The following MSLN variants were observed in gnomAD, a reference collection of about 807,000 sequenced individuals.
MSLN encodes the protein CAK1 antigen.
A neutral mutation model predicts 72.6 loss-of-function variants in MSLN; 82 were observed. The observed-to-expected ratio is 1.13, with a 90% confidence interval of 0.94 to 1.36. MSLN has a LOEUF of 1.36. Among genes scored for constraint, MSLN ranks in the 40% most tolerant of loss-of-function variants. The probability of loss-of-function intolerance (pLI) is 0.00; values close to 1 mark genes in which losing one functional copy is unlikely to be tolerated. For missense variants in MSLN, 1,005 were observed against 847.9 expected (o/e 1.19, Z -2.30); for synonymous variants, 456 against 387.3 (o/e 1.18, Z -2.08).
intron 15 of MSLN, 105 bp from the exon 16 acceptor site, chr16:767,271 G>T: frequency 2.5e-6 from 3 of 1,207,550 alleles, no homozygotes; most frequent in South Asian, 1.2e-5. Context: ...AATCCCTAAG[G>T]AAAAAGGGAA....
Position 764,668 on chromosome 16 carries a change from C to G in MSLN, c.322C>G (p.Leu108Val). 6.2e-7 allele frequency: 1 copy of G among 1,612,504 alleles called. No homozygotes were observed. Among genetic ancestry groups the G allele is most frequent in the Non-Finnish European group, 8.5e-7 (1 of 1,179,802 alleles). Reference protein sequence around the residue: ...TEQLRCLAHRLSEPPEDLDAL... With the variant: ...TEQLRCLAHRVSEPPEDLDAL... ...GCAGCTGCGCTGTCTGGCTCACCGGCTCTCTGAGCCCCCCGAGGACCTGGA... is the reference window on the plus strand; with the variant it reads ...GCAGCTGCGCTGTCTGGCTCACCGGGTCTCTGAGCCCCCCGAGGACCTGGA... The change falls in exon 7 of 18, where the codon CTC becomes GTC. Residue 108 changes from leucine (L) to valine (V), a missense_variant. Physicochemically the swap from Leu to Val is conservative, Grantham distance 32 (BLOSUM62 1). Transcript: ENST00000545450.
intron 2 of MSLN, among the ~76,000 whole-genome samples, 152 bp downstream of exon 2, chr16:761,326 G>A (rs955461583): frequency 2.6e-5 from 4 of 152,224 alleles, no homozygotes; most frequent in Admixed American, 6.5e-5. Flanking sequence ...CAGGGCACAC[G>A]CAGACCCATT....
At chr16:765,338 C>G (rs1437615133) in intron 9 of MSLN, 35 bp downstream of exon 9, 1 of 1,516,824 alleles carries the variant, frequency 6.6e-7, no homozygotes, top group African/African-American at 1.4e-5. Flanking sequence ...GAAGGCTCAC[C>G]TGGCGGCGTG....
intron 6 of MSLN, 111 bp from the exon 7 acceptor site, chr16:764,536 C>G: frequency 1.1e-6 from 1 of 950,094 alleles, no homozygotes; most frequent in Non-Finnish European, 1.7e-6. Flanking sequence ...TCCACAGATT[C>G]TCGTGGCCAG....
chr16:763,139 G>T (rs2041557374), intron 3 of MSLN, 94 bp from the exon 4 acceptor site: 7 of 799,370 alleles, frequency 8.8e-6, no homozygotes, highest in Non-Finnish European at 1.4e-5. Flanking sequence ...GGCTGGCTGT[G>T]GGGGCGGCCA....
In MSLN at chr16:766,297, G is replaced by A. The variant is rs769003291; in HGVS notation, c.1075-38G>A. 6.2e-6 allele frequency: 10 copies of A among 1,610,816 alleles called. No homozygotes were observed. In the African/African-American group the frequency reaches 1.3e-4, roughly 22 times the overall value. ...TGTCCAAGCCATCCCCAGCCCCTCT[G>A]GGAGTGACATGGGCCCTCCTGGTCT... On this transcript the variant is annotated intron_variant, in intron 12 of 17. Coordinates refer to ENST00000545450, the MANE Select transcript of MSLN (RefSeq NM_005823.6).
chr16:766,089 G>A lies in MSLN; in HGVS notation c.926G>A (p.Arg309His), dbSNP rs17850474. 8.6e-4 allele frequency: 1,381 copies of A among 1,612,132 alleles called. 11 individuals carry two copies. In the African/African-American group the frequency reaches 0.015, roughly 18 times the overall value. Residue 309 changes from arginine (R) to histidine (H), a missense_variant, in exon 12 of 18, where the codon CGC becomes CAC. Arg to His is a conservative substitution (Grantham distance 29). Coordinates refer to ENST00000545450, the MANE Select transcript of MSLN (RefSeq NM_005823.6). ...GCCTGTCCTTCAGGCAAGAAGGCCC[G>A]CGAGATAGACGAGAGCCTCATCTTC... ...KTACPSGKKA[R>H]EIDESLIFYK...
intron 3 of MSLN, among the ~76,000 whole-genome samples, 162 bp from the exon 4 acceptor site, chr16:763,071 T>G (rs930342386): frequency 1.5e-4 from 23 of 152,122 alleles, no homozygotes; most frequent in Admixed American, 1.3e-3. Context: ...CCTGGGGGAC[T>G]GTGATGTCAC....
intron 9 of MSLN, 33 bp from the exon 10 acceptor site, chr16:765,494 G>C: frequency 6.3e-7 from 1 of 1,575,092 alleles, no homozygotes; most frequent in African/African-American, 1.3e-5. Flanking sequence ...CTGCACGTGG[G>C]GGGTCCCTGA....
intron 17 of MSLN, 27 bp downstream of exon 17, chr16:768,592 G>A (rs372479257): frequency 1.3e-4 from 210 of 1,609,994 alleles, no homozygotes; most frequent in Non-Finnish European, 1.7e-4. Context: ...GGCCAGGGCT[G>A]GGGGCAGAGC....
At position 763,247 on chromosome 16, in the gene MSLN, T is replaced by G; in HGVS notation, c.100T>G (p.Ser34Ala). Reference protein sequence around the residue: ...LLFSLGWVQPSRTLAGETGQE... With the variant: ...LLFSLGWVQPARTLAGETGQE... Reference sequence around the variant, plus strand: ...TGCCCCTTTAGGATGGGTGCAGCCCTCGAGGACCCTGGCTGGAGAGACAGG... The same window carrying G: ...TGCCCCTTTAGGATGGGTGCAGCCCGCGAGGACCCTGGCTGGAGAGACAGG... The change falls in exon 4 of 18, where the codon TCG (serine) becomes GCG (alanine). Residue 34 changes from serine to alanine, a missense_variant. Transcript: ENST00000545450. 2 of 1,542,064 alleles carry G rather than the reference T, an allele frequency of 1.3e-6. No homozygotes were observed. The highest frequency in any genetic ancestry group is 4.9e-5 in the East Asian group (2 of 40,678).
At chr16:762,457 C>G in intron 2 of MSLN, 1 of 552,998 alleles carries the variant, frequency 1.8e-6, no homozygotes, top group Non-Finnish European at 3.2e-6. Flanking sequence ...GGACCGGGAT[C>G]TCAGACCCAG....
intron 3 of MSLN, 56 bp from the exon 4 acceptor site, chr16:763,176 CA>C: frequency 8.3e-7 from 1 of 1,203,078 alleles, no homozygotes; most frequent in South Asian, 1.3e-5. Flanking sequence ...TCCCCTGGGT[CA>C]GGGCACAGCC....
Position 766,767 on chromosome 16 carries a change from C to T in MSLN, c.1330C>T (p.Leu444Phe), listed in dbSNP as rs1054548415. ...CTTCTACCCTGGGTACCTGTGCTCC[C>T]TCAGCCCCGAGGAGCTGAGCTCCGT... ...TAFYPGYLCS[L>F]SPEELSSVPP... The change falls in exon 14 of 18, where the codon CTC becomes TTC. Residue 444 changes from leucine (L) to phenylalanine (F), a missense_variant. By Grantham distance (22) the Leu-to-Phe change is conservative. Transcript: ENST00000545450. The T allele has an allele frequency of 6.2e-7, 1 of 1,612,666 alleles. No individual in the cohort carries two copies.
intron 1 of MSLN, 65 bp from the exon 2 acceptor site, chr16:761,008 G>C (rs972885351): frequency 6.6e-5 from 10 of 152,396 alleles, no homozygotes; most frequent in African/African-American, 2.2e-4. Flanking sequence ...CCCTTTAGAG[G>C]CCCACGTGTG....
At position 763,638 on chromosome 16, in the gene MSLN, C is replaced by G; in HGVS notation, c.130-4C>G. The stretch of plus-strand genomic sequence containing the variant: ...GCCATGTTCAGCAGGCCCTGTGTCC[C>G]CAGGAGGCTGCGCCCCTGGACGGAG... On this transcript the variant is annotated splice_polypyrimidine_tract_variant and splice_region_variant and intron_variant, in intron 4 of 17. Coordinates refer to ENST00000545450, the MANE Select transcript of MSLN (RefSeq NM_005823.6). 1.2e-6 allele frequency: 2 copies of G among 1,600,094 alleles called. No homozygotes were observed. Among genetic ancestry groups the G allele is most frequent in the South Asian group, 1.1e-5 (1 of 90,352 alleles).
Position 765,522 on chromosome 16 carries a change from C to T in MSLN, c.705-5C>T, listed in dbSNP as rs1412375129. 1.2e-6 allele frequency: 2 copies of T among 1,602,334 alleles called. No individual in the cohort carries two copies. The highest frequency in any genetic ancestry group is 1.7e-6 in the Non-Finnish European group (2 of 1,177,414). The stretch of plus-strand genomic sequence containing the variant: ...GTCCCTGAGCTGTGTCCCGTGTCTG[C>T]ACAGCCCCCCGTCGACATGGTCTGT... On this transcript the variant is annotated splice_region_variant and splice_polypyrimidine_tract_variant and intron_variant, in intron 9 of 17. Transcript: ENST00000545450.
In MSLN at chr16:761,348, G is replaced by A. The variant is rs532819159; in HGVS notation, c.-10+174G>A. ...CACGCAGACCCATTTGTTTGGAAGC[G>A]GCAGTCCTAAGGCAGTGCAGGTGCC... On this transcript the variant is annotated intron_variant, in intron 2 of 17. Transcript: ENST00000545450. Among the ~76,000 whole-genome samples the A allele has an allele frequency of 4.6e-5, 7 of 152,342 alleles. No homozygotes were observed. The South Asian group carries it at 1.2e-3, about 27-fold the overall frequency.
In MSLN at chr16:766,393, A is replaced by G. The variant is rs778074094; in HGVS notation, c.1133A>G (p.Lys378Arg). 2.5e-5 allele frequency: 40 copies of G among 1,612,620 alleles called. No individual in the cohort carries two copies. Among genetic ancestry groups the G allele is most frequent in the Non-Finnish European group, 3.3e-5 (39 of 1,179,942 alleles). Residue 378 changes from lysine to arginine, a missense_variant, in exon 13 of 18, where the codon AAG becomes AGG. Physicochemically the swap from Lys to Arg is conservative, Grantham distance 26. Coordinates refer to ENST00000545450, the MANE Select transcript of MSLN (RefSeq NM_005823.6). ...CAGCACCTGGGCTACCTCTTCCTCA[A>G]GATGAGCCCTGAGGACATTCGCAAG... ...VIQHLGYLFL[K>R]MSPEDIRKWN...
Sources: gnomAD v4.1 joint callset for allele counts (sites outside exome capture counted in the v4.1 genomes callset) on GRCh38, gnomAD v4.1.1 for gene constraint, MANE v1.5 for transcripts, NCBI Gene and HGNC (gene_info 2026-07-23, HGNC 2026-07-21) for gene names.